Variants in ALPK3 observed in about 807,000 individuals in gnomAD.
The protein encoded by ALPK3 is alpha kinase 3, also known as alpha-protein kinase 3.
In ALPK3, 102 loss-of-function variants were observed where a neutral mutation model predicts 140.0. The observed-to-expected ratio is 0.73, with a 90% confidence interval of 0.62 to 0.86. The LOEUF is 0.86. Ranked by LOEUF, ALPK3 falls within the 40% of genes least tolerant of loss-of-function variation. The pLI is 0.00. For synonymous variants in ALPK3, 938 were observed against 898.5 expected (o/e 1.04, Z -0.79); for missense variants, 2,254 against 2,208.2 (o/e 1.02, Z -0.42).
intron 3 of ALPK3, among the ~76,000 whole-genome samples, chr15:84,838,551 C>T (rs930983915): frequency 1.3e-5 from 2 of 151,838 alleles, no homozygotes; most frequent in African/African-American, 4.8e-5. Flanking sequence ...TGGTCCTGTC[C>T]AGTCTCTTCA....
At chr15:84,828,026 C>G (rs1198719978) in intron 3 of ALPK3, among the ~76,000 whole-genome samples, 1 of 152,220 alleles carries the variant, frequency 6.6e-6, no homozygotes, top group African/African-American at 2.4e-5. Flanking sequence ...ATTCTGACTA[C>G]AGACCCTGGA....
At chr15:84,855,840 A>C (rs1000191158) in intron 5 of ALPK3, among the ~76,000 whole-genome samples, 2 of 152,248 alleles carry the variant, frequency 1.3e-5, no homozygotes, top group Non-Finnish European at 2.9e-5. Flanking sequence ...ATTTCCTGGC[A>C]TAGATGCCAT....
intron 2 of ALPK3, among the ~76,000 whole-genome samples, chr15:84,825,137 A>G (rs1432150774): frequency 6.6e-6 from 1 of 152,146 alleles, no homozygotes; most frequent in African/African-American, 2.4e-5. Flanking sequence ...GTTCTTTTCC[A>G]TTCAAAAAGA....
At chr15:84,845,391 T>A (rs1033009293) in intron 5 of ALPK3, among the ~76,000 whole-genome samples, 1 of 152,092 alleles carries the variant, frequency 6.6e-6, no homozygotes, top group African/African-American at 2.4e-5. Context: ...CCTTTTTTTT[T>A]CTCCTGGGTC....
At chr15:84,861,522 A>C (rs1272052293) in intron 9 of ALPK3, among the ~76,000 whole-genome samples, 2 of 152,192 alleles carry the variant, frequency 1.3e-5, no homozygotes, top group African/African-American at 4.8e-5. Flanking sequence ...ATCCCCTTTT[A>C]AAGTTAAAAA....
chr15:84,849,569 T>C (rs1304287458), intron 5 of ALPK3, among the ~76,000 whole-genome samples: 1 of 152,186 alleles, frequency 6.6e-6, no homozygotes, highest in Non-Finnish European at 1.5e-5. Flanking sequence ...GTATGTACTC[T>C]GACCAAAATG....
rs902967938 is a variant in ALPK3, at chr15:84,873,025, T to A, written c.*4569T>A. On this transcript the variant is annotated 3_prime_UTR_variant, in exon 14 of 14. Transcript: ENST00000258888. ...TTCCTGGGACCCACAGCTCGAGGTC[T>A]GGTTTCCATGCCCTATCCCTTACGA... 2 of 152,240 alleles carry A rather than the reference T, an allele frequency of 1.3e-5. No homozygotes were observed. Among genetic ancestry groups the A allele is most frequent in the Non-Finnish European group, 2.9e-5 (2 of 68,058 alleles). The allele number at this position is 152,240 out of a possible 1,614,324, so 9.4% of individuals were successfully genotyped here.
At chr15:84,853,428 C>T (rs1184989537) in intron 5 of ALPK3, among the ~76,000 whole-genome samples, 1 of 152,140 alleles carries the variant, frequency 6.6e-6, no homozygotes, top group Non-Finnish European at 1.5e-5. Flanking sequence ...GCCTGGCCAA[C>T]ATAGTGAAAC....
chr15:84,827,972 G>T (rs1020620938), intron 3 of ALPK3, among the ~76,000 whole-genome samples: 1 of 152,186 alleles, frequency 6.6e-6, no homozygotes, highest in African/African-American at 2.4e-5. Flanking sequence ...TGAGTAATTT[G>T]AAGGTTGGGA....
intron 5 of ALPK3, among the ~76,000 whole-genome samples, chr15:84,847,208 G>GAGAGAGAGAGAGAGAGAGAGAGAGAGA (rs373039929): frequency 1.7e-5 from 2 of 116,578 alleles, no homozygotes; most frequent in Non-Finnish European, 3.4e-5. Context: ...GGAGAAACGG[G>GAGAGAGAGAGAGAGAGAGAGAGAGAGA]GAGAGAGAGA....
chr15:84,826,005 T>C (rs1963482557), intron 2 of ALPK3, among the ~76,000 whole-genome samples: 1 of 152,100 alleles, frequency 6.6e-6, no homozygotes, highest in African/African-American at 2.4e-5. Flanking sequence ...TGTTCAGGTA[T>C]GTGAGATTGG....
At chr15:84,841,629 C>T (rs145258762) in intron 5 of ALPK3, among the ~76,000 whole-genome samples, 1 of 152,122 alleles carries the variant, frequency 6.6e-6, no homozygotes, top group East Asian at 1.9e-4. Context: ...GGAGTGCCAT[C>T]ATCTTCTAGG....
At chr15:84,859,210 G>A (rs1338857334) in intron 6 of ALPK3, 33 bp from the exon 7 acceptor site, 1 of 1,613,036 alleles carries the variant, frequency 6.2e-7, no homozygotes, top group Non-Finnish European at 8.5e-7. Flanking sequence ...GAGGAGAGGT[G>A]GTGTTCCCCT....
chr15:84,841,954 T>G (rs1963671851), intron 5 of ALPK3, among the ~76,000 whole-genome samples: 1 of 152,168 alleles, frequency 6.6e-6, no homozygotes, highest in Non-Finnish European at 1.5e-5. Flanking sequence ...ATAGAACATA[T>G]TTACACTGAG....
chr15:84,843,075 C>T (rs953624483), intron 5 of ALPK3, among the ~76,000 whole-genome samples: 1 of 152,180 alleles, frequency 6.6e-6, no homozygotes, highest in Non-Finnish European at 1.5e-5. Flanking sequence ...GGAGGAAGTA[C>T]CAGCCCCCTC....
chr15:84,849,229 T>C (rs1286327149), intron 5 of ALPK3, among the ~76,000 whole-genome samples: 1 of 151,976 alleles, frequency 6.6e-6, no homozygotes, highest in African/African-American at 2.4e-5. Flanking sequence ...AAAAAATGTG[T>C]ATGCACCTAA....
chr15:84,867,401 G>A (rs368334137), intron 13 of ALPK3, 36 bp downstream of exon 13: 151 of 1,610,718 alleles, frequency 9.4e-5, no homozygotes, highest in Non-Finnish European at 1.1e-4. Flanking sequence ...CCCTCTGGGC[G>A]TCTTCTCAGG....
At chr15:84,864,292 C>T in intron 11 of ALPK3, 150 bp from the exon 12 acceptor site, 1 of 774,790 alleles carries the variant, frequency 1.3e-6, no homozygotes, top group Non-Finnish European at 2.0e-6. Flanking sequence ...CAGGGTGGAG[C>T]TGCTTTCCTT....
rs768223337 is a variant in ALPK3, at chr15:84,858,118, G to T, written c.3380G>T (p.Gly1127Val). ...EAGGQAAPGQ[G>V]PSAESIAQEP... ...GGTGGGCAGGCAGCCCCTGGACAGG[G>T]GCCCTCAGCAGAGAGCATAGCCCAG... The change falls in exon 6 of 14, where the codon GGG (glycine) becomes GTG (valine). Residue 1127 changes from glycine to valine, a missense_variant. Transcript: ENST00000258888. 6.3e-7 allele frequency: 1 copy of T among 1,580,134 alleles called. No individual in the cohort carries two copies. The highest frequency in any genetic ancestry group is 8.6e-7 in the Non-Finnish European group (1 of 1,165,920).
Sources: allele counts gnomAD v4.1 joint callset (sites outside exome capture counted in the v4.1 genomes callset), GRCh38; gene constraint gnomAD v4.1.1; transcripts MANE v1.5; gene names NCBI Gene and HGNC (gene_info 2026-07-23, HGNC 2026-07-21).